ELP4: variants seen among roughly 807,000 people sequenced by gnomAD.
ELP4 encodes the protein elongator complex protein 4.
ELP4 carries 51 observed loss-of-function variants against 48.9 expected under a neutral mutation model. The ratio of observed to expected loss-of-function variants is 1.04; its 90% CI spans 0.83 to 1.32. ELP4 has a LOEUF of 1.32. Ranked by LOEUF, ELP4 falls within the 40% of genes most tolerant of loss-of-function variation. ELP4 has a pLI of 0.00. For synonymous variants in ELP4, 210 were observed against 189.2 expected (o/e 1.11, Z -0.90); for missense variants, 519 against 514.6 (o/e 1.01, Z -0.08).
intron 9 of ELP4, chr11:31,707,107 T>C: frequency 2.5e-6 from 1 of 397,702 alleles, no homozygotes; most frequent in Non-Finnish European, 4.4e-6. Flanking sequence ...AGTAGTGGGA[T>C]TGCTGGATCA....
intron 9 of ELP4, among the ~76,000 whole-genome samples, chr11:31,718,072 C>T (rs1013909482): frequency 6.6e-6 from 1 of 152,196 alleles, no homozygotes; most frequent in Admixed American, 6.5e-5. Context: ...GCTGGGATTA[C>T]AGACCTGAGC....
At chr11:31,735,272 A>C (rs76250192) in intron 9 of ELP4, among the ~76,000 whole-genome samples, 3,002 of 152,284 alleles carry the variant, frequency 0.02, 97 homozygotes, top group African/African-American at 0.068. Context: ...GAAACTGTTT[A>C]AAACACCTAG....
intron 3 of ELP4, among the ~76,000 whole-genome samples, chr11:31,568,433 G>A (rs539745995): frequency 4.1e-4 from 63 of 152,124 alleles, no homozygotes; most frequent in Middle Eastern, 3.4e-3. Context: ...ATTAGAAAAC[G>A]TTATTCTGAA....
chr11:31,758,654 G>A (rs1947880374), intron 9 of ELP4, among the ~76,000 whole-genome samples: 1 of 147,178 alleles, frequency 6.8e-6, no homozygotes, highest in South Asian at 2.2e-4. Context: ...ATGATATGTT[G>A]ACAAAGAGGG....
At chr11:31,690,851 A>C (rs191424671) in intron 9 of ELP4, among the ~76,000 whole-genome samples, 103 of 54,364 alleles carry the variant, frequency 1.9e-3, no homozygotes, top group African/African-American at 7.5e-3. Context: ...GTCTTTTCTT[A>C]TTCAAGGCCT....
At chr11:31,753,506 A>T (rs1226987368) in intron 9 of ELP4, among the ~76,000 whole-genome samples, 1 of 152,254 alleles carries the variant, frequency 6.6e-6, no homozygotes, top group Non-Finnish European at 1.5e-5. Context: ...AAGAAGTAAG[A>T]GAAACAGGAA....
At chr11:31,529,764 T>C (rs1045708974) in intron 2 of ELP4, among the ~76,000 whole-genome samples, 25 of 152,170 alleles carry the variant, frequency 1.6e-4, no homozygotes, top group Admixed American at 3.9e-4. Context: ...AGTAATAGTA[T>C]TTCCAAAGAG....
intron 4 of ELP4, among the ~76,000 whole-genome samples, chr11:31,601,815 A>C (rs1203875946): frequency 6.6e-6 from 1 of 152,120 alleles, no homozygotes. Flanking sequence ...AAGCTTCCCT[A>C]CTAGGCCTGG....
At chr11:31,572,787 G>A (rs1475080842) in intron 3 of ELP4, among the ~76,000 whole-genome samples, 3 of 152,056 alleles carry the variant, frequency 2.0e-5, no homozygotes, top group Non-Finnish European at 4.4e-5. Context: ...ATCACTTGAG[G>A]CCAGGAGTTA....
Position 31,510,298 on chromosome 11 carries a change from G to C in ELP4, c.223+291G>C, listed in dbSNP as rs1379470789. 4 of 533,480 alleles carry C rather than the reference G, an allele frequency of 7.5e-6. 1 individual carries two copies. In the South Asian group the frequency reaches 9.0e-5, roughly 12 times the overall value. The allele number at this position is 533,480 out of a possible 1,614,324, so 33.0% of individuals were successfully genotyped here. A position where few individuals can be genotyped will look rare whatever the true frequency, so the allele number is the denominator to read the frequency against. On this transcript the variant is annotated intron_variant, in intron 1 of 9. Transcript: ENST00000640961. ...GCTTTTTACCCTGAAATGCTTTCTA[G>C]TCAAGGGAAGACATTAATTTATGGA...
intron 9 of ELP4, among the ~76,000 whole-genome samples, chr11:31,726,597 G>A (rs1947079225): frequency 6.6e-6 from 1 of 151,974 alleles, no homozygotes; most frequent in Non-Finnish European, 1.5e-5. Context: ...GCATAATGTG[G>A]TCTCTACTTA....
intron 9 of ELP4, among the ~76,000 whole-genome samples, chr11:31,765,498 G>A (rs1948023760): frequency 6.6e-6 from 1 of 151,956 alleles, no homozygotes; most frequent in Non-Finnish European, 1.5e-5. Flanking sequence ...CAGATTAACA[G>A]GGCAACTACC....
Position 31,632,360 on chromosome 11 carries a change from C to T in ELP4, c.882C>T (p.Thr294=), listed in dbSNP as rs766302382. ...ATGTTCTCCGTGGTCTTCTGAGAACCTCTCTTTCAGCCTGCATCATCACAA... is the reference window on the plus strand; with the variant it reads ...ATGTTCTCCGTGGTCTTCTGAGAACTTCTCTTTCAGCCTGCATCATCACAA... The part of the protein sequence containing the change: ...FLYVLRGLLR[T]SLSACIITMP... The change falls in exon 7 of 10, where the codon ACC becomes ACT. Residue 294 remains threonine, a synonymous_variant. Transcript: ENST00000640961. The T allele has an allele frequency of 4.4e-5, 71 of 1,612,818 alleles. 1 individual carries two copies. Among genetic ancestry groups the T allele is most frequent in the Non-Finnish European group, 5.4e-5 (64 of 1,179,522 alleles).
chr11:31,618,344 G>A (rs938708602), intron 5 of ELP4, among the ~76,000 whole-genome samples: 4 of 151,950 alleles, frequency 2.6e-5, no homozygotes, highest in Admixed American at 6.6e-5. Flanking sequence ...TTGCCAGCAT[G>A]TTTGGTGTCG....
chr11:31,539,737 C>T lies in ELP4; in HGVS notation c.335C>T (p.Thr112Ile). The change falls in exon 3 of 10, where the codon ACT becomes ATT. Residue 112 changes from threonine to isoleucine, a missense_variant. Thr to Ile is a moderately conservative substitution (Grantham distance 89). Transcript: ENST00000640961. The part of the protein sequence containing the change: ...FLAEGIVNGH[T>I]LLVASAKEDP... ...GCAGAAGGAATTGTCAATGGGCATACTTTGTTGGTTGCATCTGCTAAAGAG... is the reference window on the plus strand; with the variant it reads ...GCAGAAGGAATTGTCAATGGGCATATTTTGTTGGTTGCATCTGCTAAAGAG... 1 of 1,612,026 alleles carries T rather than the reference C, an allele frequency of 6.2e-7. No homozygotes were observed. The highest frequency in any genetic ancestry group is 1.1e-5 in the South Asian group (1 of 90,478).
intron 3 of ELP4, among the ~76,000 whole-genome samples, chr11:31,565,318 T>C (rs201980224): frequency 7.3e-5 from 11 of 150,716 alleles, no homozygotes; most frequent in Non-Finnish European, 1.0e-4. Flanking sequence ...TCCCATTCTG[T>C]AGGTGGCCTG....
chr11:31,683,424 C>T (rs753579671), intron 9 of ELP4, among the ~76,000 whole-genome samples: 6 of 152,114 alleles, frequency 3.9e-5, no homozygotes, highest in Non-Finnish European at 7.4e-5. Context: ...CGTGTTAAAA[C>T]GACCATACTG....
rs1208492209 is a variant in ELP4, at chr11:31,789,603, C to A, written c.*6079C>A. 1 of 632,178 alleles carries A rather than the reference C, an allele frequency of 1.6e-6. No individual in the cohort carries two copies. The highest frequency in any genetic ancestry group is 2.8e-6 in the Non-Finnish European group (1 of 357,188). The allele number at this position is 632,178 out of a possible 1,614,324, so 39.2% of individuals were successfully genotyped here. On this transcript the variant is annotated 3_prime_UTR_variant, in exon 10 of 10. Transcript: ENST00000640961. ...AAAAAAAAAAAAAACAACTTCATGA[C>A]CAACACAGATCAAACATCCATCCAG...
chr11:31,685,387 ATTG>A (rs1235486566), intron 9 of ELP4, among the ~76,000 whole-genome samples: 30 of 152,152 alleles, frequency 2.0e-4, no homozygotes, highest in African/African-American at 7.2e-4. Context: ...AGGAAATTTA[ATTG>A]AAAAAAAAAA....
Sources: gnomAD v4.1 joint callset for allele counts (sites outside exome capture counted in the v4.1 genomes callset) on GRCh38, gnomAD v4.1.1 for gene constraint, MANE v1.5 for transcripts, NCBI Gene and HGNC (gene_info 2026-07-23, HGNC 2026-07-21) for gene names.